DNM3: variants seen among roughly 807,000 people sequenced by gnomAD.
DNM3 encodes the protein dynamin-3.
A neutral mutation model predicts 101.6 loss-of-function variants in DNM3; 47 were observed. That is an observed-to-expected ratio of 0.46 (90% CI 0.37 to 0.59). The LOEUF (loss-of-function observed/expected upper bound fraction) is 0.59, where lower values mean the gene tolerates loss of function less well. Ranked by LOEUF, DNM3 falls within the 20% of genes least tolerant of loss-of-function variation. The pLI is 0.00. For synonymous variants in DNM3, 385 were observed against 387.9 expected, an observed-to-expected ratio of 0.99 and a Z score of 0.09; for missense variants, 849 against 1,085.7, an observed-to-expected ratio of 0.78 and a Z score of 3.06.
chr1:172,040,554 A>G (rs2049302612), intron 7 of DNM3, among the ~76,000 whole-genome samples: 1 of 151,928 alleles, frequency 6.6e-6, no homozygotes, highest in Non-Finnish European at 1.5e-5. Context: ...CCTGGGACAA[A>G]TATTTATTAA....
At chr1:172,208,804 T>C (rs1274922316) in intron 14 of DNM3, among the ~76,000 whole-genome samples, 1 of 152,128 alleles carries the variant, frequency 6.6e-6, no homozygotes. Context: ...TAATGTATCA[T>C]TTTCAGATGA....
chr1:172,204,587 C>T (rs1193343713), intron 14 of DNM3, among the ~76,000 whole-genome samples: 11 of 152,158 alleles, frequency 7.2e-5, no homozygotes, highest in Non-Finnish European at 1.6e-4. Flanking sequence ...TCTGCATGTT[C>T]TATCTTTGCT....
chr1:172,417,073 G>A (rs1414254635), downstream of DNM3, among the ~76,000 whole-genome samples: 10 of 151,640 alleles, frequency 6.6e-5, no homozygotes, highest in Non-Finnish European at 1.3e-4. Flanking sequence ...AAGTTTTTCT[G>A]TTTTTGTTTT....
intron 14 of DNM3, among the ~76,000 whole-genome samples, chr1:172,198,120 G>T (rs2060021398): frequency 6.6e-6 from 1 of 152,026 alleles, no homozygotes; most frequent in Non-Finnish European, 1.5e-5. Context: ...ACATGAAGGG[G>T]TGTTGAATTT....
intron 14 of DNM3, among the ~76,000 whole-genome samples, chr1:172,221,835 T>C (rs890238781): frequency 1.3e-5 from 2 of 152,214 alleles, no homozygotes; most frequent in African/African-American, 4.8e-5. Flanking sequence ...AAATACTTTC[T>C]AATATTCTAA....
chr1:171,894,208 T>C (rs2037556939), intron 1 of DNM3, among the ~76,000 whole-genome samples: 1 of 152,060 alleles, frequency 6.6e-6, no homozygotes, highest in Admixed American at 6.5e-5. Flanking sequence ...CCCGCCCACC[T>C]TGGCCTCCCA....
intron 2 of DNM3, among the ~76,000 whole-genome samples, chr1:171,941,757 T>C (rs144658897): frequency 6.6e-6 from 1 of 152,342 alleles, no homozygotes; most frequent in East Asian, 1.9e-4. Flanking sequence ...AAAGTGAATT[T>C]ATTGAATGAA....
At chr1:171,918,645 TG>T (rs1226842237) in intron 1 of DNM3, among the ~76,000 whole-genome samples, 1 of 152,134 alleles carries the variant, frequency 6.6e-6, no homozygotes, top group East Asian at 1.9e-4. Flanking sequence ...TATCTGTCAG[TG>T]GTAGGACTGG....
chr1:172,347,852 T>C (rs1178394421), intron 17 of DNM3, among the ~76,000 whole-genome samples: 2 of 152,154 alleles, frequency 1.3e-5, no homozygotes, highest in Non-Finnish European at 2.9e-5. Context: ...AATTAGTAAA[T>C]TGTAGTATAT....
intron 1 of DNM3, among the ~76,000 whole-genome samples, chr1:171,884,160 T>C (rs2036563265): frequency 6.6e-6 from 1 of 152,212 alleles, no homozygotes; most frequent in African/African-American, 2.4e-5. Context: ...AGTAATATCC[T>C]ATAGTTTGTT....
intron 14 of DNM3, among the ~76,000 whole-genome samples, chr1:172,135,369 G>A (rs189471820): frequency 2.2e-3 from 337 of 152,180 alleles, no homozygotes; most frequent in African/African-American, 7.7e-3. Context: ...AATTAATCAC[G>A]TCCTGGCATA....
In DNM3 at chr1:171,920,701, T is replaced by A. The variant is rs186546616; in HGVS notation, c.162-1047T>A. ...TCGACATTGCAGAATCAGCAATAAT[T>A]TATGTGGCATTGCAGATGTAATATT... On this transcript the variant is annotated intron_variant, in intron 1 of 20. Coordinates refer to ENST00000627582, the MANE Select transcript of DNM3 (RefSeq NM_015569.5). 5.9e-5 allele frequency among the ~76,000 whole-genome samples: 9 copies of A among 152,352 alleles called. No individual in the cohort carries two copies. In the East Asian group the frequency reaches 1.7e-3, roughly 29 times the overall value.
intron 2 of DNM3, among the ~76,000 whole-genome samples, chr1:171,978,419 C>A (rs2044542036): frequency 6.6e-6 from 1 of 151,892 alleles, no homozygotes; most frequent in African/African-American, 2.4e-5. Flanking sequence ...ATAGAGAGGC[C>A]CTGAGGTAGG....
At chr1:171,991,487 G>A (rs1286901050) in intron 4 of DNM3, among the ~76,000 whole-genome samples, 1 of 152,144 alleles carries the variant, frequency 6.6e-6, no homozygotes, top group East Asian at 1.9e-4. Flanking sequence ...ATGAAGAGAT[G>A]CATAGGGCAA....
chr1:172,258,382 C>T (rs759298633), intron 15 of DNM3, among the ~76,000 whole-genome samples: 56 of 152,070 alleles, frequency 3.7e-4, no homozygotes, highest in Admixed American at 6.6e-4. Context: ...TACATTCCCA[C>T]CAAGAGTGTA....
rs757873712 is a variant in DNM3, at chr1:172,308,913, AAGCTGG to A, written c.1881+77_1881+82del. ...AGAAAATATTAATCCTACATACCAT[AAGCTGG>A]AGAAACTAGTTTTCTTACTGACTTA... On this transcript the variant is annotated intron_variant, in intron 16 of 20. Transcript: ENST00000627582. 1.9e-5 allele frequency: 15 copies of A among 795,892 alleles called. No homozygotes were observed. In the Middle Eastern group the frequency reaches 2.2e-3, roughly 117 times the overall value. The allele number at this position is 795,892 out of a possible 1,614,324, so 49.3% of individuals were successfully genotyped here. A position where few individuals can be genotyped will look rare whatever the true frequency, so the allele number is the denominator to read the frequency against.
chr1:172,362,838 A>G (rs374748105), intron 17 of DNM3, among the ~76,000 whole-genome samples: 1 of 151,592 alleles, frequency 6.6e-6, no homozygotes, highest in East Asian at 2.0e-4. Context: ...CATCATTCAG[A>G]CAAAGCCATT....
At chr1:172,289,977 T>G (rs751284979) in intron 15 of DNM3, 99 of 920,012 alleles carry the variant, frequency 1.1e-4, no homozygotes, top group Non-Finnish European at 1.2e-4. Flanking sequence ...TTTATTAAAT[T>G]TATATTATTG....
In DNM3 at chr1:172,412,311, G is replaced by T; in HGVS notation, c.*4470G>T. The T allele has an allele frequency of 3.0e-6, 3 of 985,344 alleles. No individual in the cohort carries two copies. The highest frequency in any genetic ancestry group is 4.7e-5 in the South Asian group (1 of 21,276). The allele number at this position is 985,344 out of a possible 1,614,324, so 61.0% of individuals were successfully genotyped here. On this transcript the variant is annotated 3_prime_UTR_variant, in exon 21 of 21. Transcript: ENST00000627582. ...ATTACTCTGTCTAACCACTTGCCTT[G>T]TCTGCTACCAGTTTGTTAAAAATTA...
Sources: gnomAD v4.1 joint callset for allele counts (sites outside exome capture counted in the v4.1 genomes callset) on GRCh38, gnomAD v4.1.1 for gene constraint, MANE v1.5 for transcripts, NCBI Gene and HGNC (gene_info 2026-07-23, HGNC 2026-07-21) for gene names.